The following PHIP variants were observed in gnomAD, a reference collection of about 807,000 sequenced individuals.
PHIP encodes the protein PH-interacting protein.
In PHIP, 54 loss-of-function variants were observed where a neutral mutation model predicts 236.8. That is an observed-to-expected ratio of 0.23 (90% CI 0.18 to 0.29). The LOEUF is 0.29. PHIP is among the 10% of genes least tolerant of loss of function. PHIP has a pLI of 1.00. For missense variants in PHIP, 1,370 were observed against 2,190.8 expected, an observed-to-expected ratio of 0.63 and a Z score of 7.48; for synonymous variants, 756 against 718.9, an observed-to-expected ratio of 1.05 and a Z score of -0.83.
intron 7 of PHIP, among the ~76,000 whole-genome samples, chr6:79,034,736 C>T (rs1771845123): frequency 6.6e-6 from 1 of 152,098 alleles, no homozygotes; most frequent in Non-Finnish European, 1.5e-5. Flanking sequence ...TGTTGCAAAA[C>T]TATGAAGTAG....
In PHIP at chr6:78,937,034, G is replaced by A. The variant is rs868192064; in HGVS notation, c.*3659C>T. 6.6e-6 allele frequency: 1 copy of A among 151,702 alleles called. No individual in the cohort carries two copies. The highest frequency in any genetic ancestry group is 2.4e-5 in the African/African-American group (1 of 41,412). The allele number at this position is 151,702 out of a possible 1,614,324, so 9.4% of individuals were successfully genotyped here. A position where few individuals can be genotyped will look rare whatever the true frequency, so the allele number is the denominator to read the frequency against. ...GTTAGAAATACTTTTTAGGTTAATA[G>A]GAGTAATCAGATGATAAAACTACTT... is the stretch of plus-strand genomic sequence containing the variant. On this transcript the variant is annotated 3_prime_UTR_variant, in exon 40 of 40. Coordinates refer to ENST00000275034, the MANE Select transcript of PHIP (RefSeq NM_017934.7).
At chr6:78,990,795 TA>T in intron 20 of PHIP, 72 bp downstream of exon 20, 1 of 760,810 alleles carries the variant, frequency 1.3e-6, no homozygotes, top group South Asian at 2.0e-5. Context: ...CATGTTAAAT[TA>T]CAAAATGGAG....
At chr6:79,000,200 C>CA (rs1769896921) in intron 17 of PHIP, among the ~76,000 whole-genome samples, 1 of 151,512 alleles carries the variant, frequency 6.6e-6, no homozygotes, top group Non-Finnish European at 1.5e-5. Flanking sequence ...TAAAATATGA[C>CA]AAAAAAAGAT....
chr6:79,075,719 T>C (rs2127783038), intron 4 of PHIP, among the ~76,000 whole-genome samples: 1 of 152,110 alleles, frequency 6.6e-6, no homozygotes. Flanking sequence ...AGCTGCTTCA[T>C]TTAAAAAATG....
intron 15 of PHIP, among the ~76,000 whole-genome samples, chr6:79,005,952 G>C (rs1019073801): frequency 6.6e-6 from 1 of 151,838 alleles, no homozygotes. Context: ...AAAGAGCAAA[G>C]AAAAAATAGC....
At chr6:79,011,711 T>C (rs1455739224) in intron 15 of PHIP, among the ~76,000 whole-genome samples, 1 of 151,750 alleles carries the variant, frequency 6.6e-6, no homozygotes, top group African/African-American at 2.4e-5. Context: ...CTCTGGAGAA[T>C]ACTACTTGAA....
chr6:79,004,475 T>A, intron 15 of PHIP: 2 of 893,464 alleles, frequency 2.2e-6, no homozygotes, highest in Non-Finnish European at 2.7e-6. Context: ...CCACTCTGAA[T>A]TTTTTGCTCT....
At position 79,046,605 on chromosome 6, in the gene PHIP, A is replaced by G. The variant is rs146294186; in HGVS notation, c.440-3602T>C. Among the ~76,000 whole-genome samples the G allele has an allele frequency of 6.3e-4, 96 of 152,266 alleles. 1 individual carries two copies. The South Asian group carries it at 7.9e-3, about 12-fold the overall frequency. On this transcript the variant is annotated intron_variant, in intron 6 of 39. Coordinates refer to ENST00000275034, the MANE Select transcript of PHIP (RefSeq NM_017934.7). ...AAAAATAATTAGGTTTAGTGGGTAC[A>G]GGGACTCACACCTGTAATCCCAGCA... is the stretch of plus-strand genomic sequence containing the variant.
intron 21 of PHIP, among the ~76,000 whole-genome samples, chr6:78,986,913 G>A (rs1768901016): frequency 6.6e-6 from 1 of 150,974 alleles, no homozygotes; most frequent in Non-Finnish European, 1.5e-5. Context: ...CCCACATTTT[G>A]TGTGTTACTT....
chr6:78,971,998 G>A lies in PHIP; in HGVS notation c.2890-1110C>T, dbSNP rs764826149. Among the ~76,000 whole-genome samples the A allele has an allele frequency of 9.9e-3, 1,491 of 150,594 alleles. 10 individuals carry two copies. Among genetic ancestry groups the A allele is most frequent in the South Asian group, 0.024 (114 of 4,766 alleles). On this transcript the variant is annotated intron_variant, in intron 24 of 39. Transcript: ENST00000275034. ...GCTTGCTTAGGTAAACAAAGCAGCC[G>A]GGAAGCTCGAACTGGGTGGAGCCCA...
chr6:79,063,352 G>A (rs570119287), intron 4 of PHIP, among the ~76,000 whole-genome samples: 57 of 152,292 alleles, frequency 3.7e-4, no homozygotes, highest in Non-Finnish European at 7.8e-4. Flanking sequence ...ACCTATCCCA[G>A]CACATAAAAA....
At chr6:79,024,806 AAAATAAAT>A (rs113760806) in intron 9 of PHIP, among the ~76,000 whole-genome samples, 1 of 152,026 alleles carries the variant, frequency 6.6e-6, no homozygotes, top group Non-Finnish European at 1.5e-5. Flanking sequence ...CTCCGTCTCA[AAAATAAAT>A]AAATAAATAA....
intron 6 of PHIP, among the ~76,000 whole-genome samples, chr6:79,058,649 A>G (rs1192354161): frequency 6.6e-6 from 1 of 152,138 alleles, no homozygotes; most frequent in Non-Finnish European, 1.5e-5. Flanking sequence ...AATAAGCATA[A>G]TAGTTCCTAC....
At chr6:79,075,241 G>A (rs1398419752) in intron 4 of PHIP, among the ~76,000 whole-genome samples, 1 of 152,060 alleles carries the variant, frequency 6.6e-6, no homozygotes, top group Admixed American at 6.5e-5. Flanking sequence ...GTAAAATAAA[G>A]TTAACTCACA....
chr6:78,956,892 A>G (rs1766456767), intron 32 of PHIP: 1 of 152,068 alleles, frequency 6.6e-6, no homozygotes, highest in Non-Finnish European at 1.5e-5. Flanking sequence ...AGATTTATCT[A>G]TCCTATGAAA....
intron 6 of PHIP, among the ~76,000 whole-genome samples, chr6:79,058,227 T>A (rs990077835): frequency 1.3e-5 from 2 of 152,064 alleles, no homozygotes; most frequent in African/African-American, 4.8e-5. Context: ...TCAATTACAT[T>A]TCTATGCTTG....
intron 22 of PHIP, among the ~76,000 whole-genome samples, chr6:78,983,587 G>A (rs1768681081): frequency 6.6e-6 from 1 of 152,026 alleles, no homozygotes; most frequent in African/African-American, 2.4e-5. Flanking sequence ...GAACTCTTAT[G>A]GTCCAGTACT....
At chr6:79,047,892 T>G (rs1406403518) in intron 6 of PHIP, among the ~76,000 whole-genome samples, 5 of 152,066 alleles carry the variant, frequency 3.3e-5, no homozygotes, top group Non-Finnish European at 7.4e-5. Context: ...CTCTAAAGAT[T>G]ATTTTTTCTT....
intron 24 of PHIP, among the ~76,000 whole-genome samples, chr6:78,974,001 G>C (rs190346901): frequency 6.6e-6 from 1 of 152,130 alleles, no homozygotes; most frequent in Admixed American, 6.5e-5. Context: ...CCCAGGAATT[G>C]AACTCAGCTC....
Sources: allele counts gnomAD v4.1 joint callset (sites outside exome capture counted in the v4.1 genomes callset), GRCh38; gene constraint gnomAD v4.1.1; transcripts MANE v1.5; gene names NCBI Gene and HGNC (gene_info 2026-07-23, HGNC 2026-07-21).